POFUT3: variants seen among roughly 807,000 people sequenced by gnomAD.
POFUT3 encodes the protein protein O-fucosyltransferase 3, also known as GDP-fucose protein O-fucosyltransferase 3.
chr8:33,365,410 G>C, the POFUT3 span, among the ~76,000 whole-genome samples: 2 of 152,148 alleles, frequency 1.3e-5, no homozygotes, highest in African/African-American at 4.8e-5. Context: ...TAGACAAATG[G>C]AATCTAATTA....
the POFUT3 span, among the ~76,000 whole-genome samples, chr8:33,364,755 A>G: frequency 6.6e-6 from 1 of 152,194 alleles, no homozygotes; most frequent in Non-Finnish European, 1.5e-5. Flanking sequence ...CTGCTCAATG[A>G]AATAAAAGAG....
chr8:33,371,587 A>G, the POFUT3 span: 1 of 152,226 alleles, frequency 6.6e-6, no homozygotes, highest in African/African-American at 2.4e-5. Flanking sequence ...TCACATGGAA[A>G]GAAAACATGA....
the POFUT3 span, among the ~76,000 whole-genome samples, chr8:33,374,743 T>C: frequency 6.6e-6 from 1 of 152,240 alleles, no homozygotes; most frequent in African/African-American, 2.4e-5. Context: ...AAAAGTGTTT[T>C]TAGTAAAAGA....
the POFUT3 span, among the ~76,000 whole-genome samples, chr8:33,447,430 C>T: frequency 6.7e-6 from 1 of 148,468 alleles, no homozygotes; most frequent in African/African-American, 2.5e-5. Context: ...GCCTGGGCGA[C>T]AGGGCAAGAC....
chr8:33,437,028 A>G, the POFUT3 span, among the ~76,000 whole-genome samples: 5 of 152,098 alleles, frequency 3.3e-5, no homozygotes, highest in East Asian at 3.9e-4. Flanking sequence ...CTCCTGCATT[A>G]ATTCTAATTC....
the POFUT3 span, among the ~76,000 whole-genome samples, chr8:33,441,028 T>C: frequency 3.3e-5 from 5 of 152,012 alleles, no homozygotes; most frequent in Non-Finnish European, 7.4e-5. Context: ...TAAAATAAAA[T>C]ATATATAAAT....
chr8:33,322,186 A>G, the POFUT3 span, among the ~76,000 whole-genome samples: 21 of 152,042 alleles, frequency 1.4e-4, no homozygotes, highest in African/African-American at 4.8e-4. Flanking sequence ...ACTTTTCCCT[A>G]AATGTATAAG....
the POFUT3 span, among the ~76,000 whole-genome samples, chr8:33,441,256 G>A: frequency 3.3e-5 from 5 of 150,808 alleles, no homozygotes; most frequent in Non-Finnish European, 5.9e-5. Context: ...GCTTGAACCC[G>A]GGAAGCAGAG....
At chr8:33,414,015 A>G in the POFUT3 span, among the ~76,000 whole-genome samples, 1 of 152,152 alleles carries the variant, frequency 6.6e-6, no homozygotes, top group East Asian at 1.9e-4. Flanking sequence ...CAAAGACTCT[A>G]ATCTTCTCTG....
the POFUT3 span, among the ~76,000 whole-genome samples, chr8:33,321,003 T>A: frequency 1.3e-5 from 2 of 152,038 alleles, no homozygotes; most frequent in African/African-American, 4.8e-5. Flanking sequence ...GCTACCACCA[T>A]CAATATTCAT....
the POFUT3 span, among the ~76,000 whole-genome samples, chr8:33,318,509 A>T: frequency 1.6e-5 from 2 of 127,300 alleles, no homozygotes; most frequent in African/African-American, 5.9e-5. Context: ...ATAATATAAT[A>T]TATTATGATT....
the POFUT3 span, chr8:33,389,524 T>C: frequency 5.0e-6 from 8 of 1,614,214 alleles, no homozygotes; most frequent in Non-Finnish European, 6.8e-6. Flanking sequence ...AGTCTGACTG[T>C]ACATACACCA....
At chr8:33,351,002 GT>G in the POFUT3 span, among the ~76,000 whole-genome samples, 3 of 152,172 alleles carry the variant, frequency 2.0e-5, no homozygotes, top group Non-Finnish European at 4.4e-5. Context: ...TTGGGACAGA[GT>G]CTCACTCTGT....
At chr8:33,378,629 T>C in the POFUT3 span, among the ~76,000 whole-genome samples, 1 of 152,166 alleles carries the variant, frequency 6.6e-6, no homozygotes, top group African/African-American at 2.4e-5. Flanking sequence ...AACAGGAGTT[T>C]GCTGGTGGGG....
chr8:33,406,192 A>G, the POFUT3 span, among the ~76,000 whole-genome samples: 1 of 152,186 alleles, frequency 6.6e-6, no homozygotes, highest in African/African-American at 2.4e-5. Context: ...TAGAATCAAC[A>G]TAGCTTTAAA....
At chr8:33,433,949 C>T in the POFUT3 span, among the ~76,000 whole-genome samples, 1 of 141,018 alleles carries the variant, frequency 7.1e-6, no homozygotes, top group Non-Finnish European at 1.5e-5. Context: ...GCCTGGGCAA[C>T]AGAGCAAGAC....
At chr8:33,409,379 A>C in the POFUT3 span, among the ~76,000 whole-genome samples, 1 of 152,190 alleles carries the variant, frequency 6.6e-6, no homozygotes, top group East Asian at 1.9e-4. Context: ...CTAGGATTAC[A>C]GGCATGAGCC....
chr8:33,403,362 G>A, the POFUT3 span, among the ~76,000 whole-genome samples: 2 of 152,132 alleles, frequency 1.3e-5, no homozygotes, highest in Non-Finnish European at 2.9e-5. Context: ...CACTACTGAT[G>A]AGTAGTGAAG....
chr8:33,467,525 T>A, the POFUT3 span, among the ~76,000 whole-genome samples: 1 of 152,030 alleles, frequency 6.6e-6, no homozygotes, highest in Non-Finnish European at 1.5e-5. Flanking sequence ...CCACGGCAGG[T>A]ACCATCTGAA....
Sources: allele counts gnomAD v4.1 joint callset (sites outside exome capture counted in the v4.1 genomes callset), GRCh38; gene constraint gnomAD v4.1.1; transcripts MANE v1.5; gene names NCBI Gene and HGNC (gene_info 2026-07-23, HGNC 2026-07-21).